Variants in STMN1 observed in about 807,000 individuals in gnomAD.
STMN1 encodes the protein stathmin.
In STMN1, 3 loss-of-function variants were observed where a neutral mutation model predicts 19.7. That is an observed-to-expected ratio of 0.15 (90% CI 0.07 to 0.39). STMN1 has a LOEUF of 0.39. Among genes scored for constraint, STMN1 ranks in the 10% least tolerant of loss-of-function variants. STMN1 has a pLI of 1.00. For synonymous variants in STMN1, 59 were observed against 58.9 expected (o/e 1.00, Z -0.01); for missense variants, 99 against 176.0 (o/e 0.56, Z 2.48).
intron 2 of STMN1, among the ~76,000 whole-genome samples, 196 bp downstream of exon 2, chr1:25,904,468 G>A (rs910881395): frequency 6.6e-6 from 1 of 152,154 alleles, no homozygotes. Flanking sequence ...TTCAGACTAA[G>A]CCAAACTGTC....
At chr1:25,904,783 CTA>C (rs1209960650) in intron 1 of STMN1, 45 bp from the exon 2 acceptor site, 45 of 1,517,562 alleles carry the variant, frequency 3.0e-5, no homozygotes, top group African/African-American at 7.0e-5. Flanking sequence ...CTTTGCCTTT[CTA>C]TATGTCATCA....
Position 25,903,820 on chromosome 1 carries a change from T to G in STMN1, c.14-7A>C. Reference sequence around the variant, plus strand: ...AGTTCTTTCACCTGGATATCTAGAATTGATTATATTTATAATTCAGAAAAC... The same window carrying G: ...AGTTCTTTCACCTGGATATCTAGAAGTGATTATATTTATAATTCAGAAAAC... On this transcript the variant is annotated splice_region_variant and splice_polypyrimidine_tract_variant and intron_variant, in intron 2 of 4. Transcript: ENST00000455785. The G allele has an allele frequency of 1.3e-6, 2 of 1,586,416 alleles. No individual in the cohort carries two copies. The highest frequency in any genetic ancestry group is 1.7e-6 in the Non-Finnish European group (2 of 1,171,174).
chr1:25,898,579 T>C (rs1369259751), downstream of STMN1, among the ~76,000 whole-genome samples: 1 of 152,228 alleles, frequency 6.6e-6, no homozygotes, highest in African/African-American at 2.4e-5. Context: ...AAGGGCCTCC[T>C]TCACGTCCTT....
rs75609247 is a variant in STMN1 at position 25,887,233 on chromosome 1, T to C, written c.379-1364A>G. The C allele has an allele frequency of 2.1e-3, 348 of 162,096 alleles. 9 individuals carry two copies. The East Asian group carries it at 0.053, about 25-fold the overall frequency. 10.0% of individuals were successfully genotyped at this position (162,096 alleles called of 1,614,324 possible). A position where few individuals can be genotyped will look rare whatever the true frequency, so the allele number is the denominator to read the frequency against. ...GGACCACAGGAATGAACAAGAGACA[T>C]TGTCCCTTTCCAAAGCAAGGAGAAA... On this transcript the variant is annotated intron_variant, in intron 4 of 4. Coordinates refer to the STMN1 transcript ENST00000426559.
intron 4 of STMN1, among the ~76,000 whole-genome samples, chr1:25,891,275 G>T (rs2048772780): frequency 6.6e-6 from 1 of 151,488 alleles, no homozygotes; most frequent in South Asian, 2.1e-4. Context: ...AGGTTGCAGT[G>T]AGCCGAGATC....
chr1:25,884,357 A>G (rs954253903), downstream of STMN1: 3 of 152,042 alleles, frequency 2.0e-5, no homozygotes, highest in African/African-American at 7.2e-5. Context: ...ACAGACTGCC[A>G]AAGTCCGGCA....
At chr1:25,890,717 C>CT (rs1199655187) in intron 4 of STMN1, among the ~76,000 whole-genome samples, 1 of 152,134 alleles carries the variant, frequency 6.6e-6, no homozygotes, top group Non-Finnish European at 1.5e-5. Context: ...TCATTTCATC[C>CT]GTAGGTCGGC....
At chr1:25,888,165 A>G (rs1013913423) in intron 4 of STMN1, among the ~76,000 whole-genome samples, 1 of 152,166 alleles carries the variant, frequency 6.6e-6, no homozygotes, top group African/African-American at 2.4e-5. Context: ...CACCTCCGTC[A>G]GAGGTAGAAC....
At chr1:25,888,970 A>C (rs2048748216) in intron 4 of STMN1, 1 of 463,958 alleles carries the variant, frequency 2.2e-6, no homozygotes, top group Admixed American at 2.6e-5. Context: ...GCTTCTTGCC[A>C]TGTCTTCTCA....
intron 4 of STMN1, among the ~76,000 whole-genome samples, chr1:25,888,090 C>T (rs1372839867): frequency 6.6e-6 from 1 of 152,148 alleles, no homozygotes; most frequent in Admixed American, 6.5e-5. Context: ...TCTAGCACAA[C>T]CGCTGGTTAG....
At chr1:25,904,606 T>C (rs2048915814) in intron 2 of STMN1, 58 bp downstream of exon 2, 1 of 1,531,510 alleles carries the variant, frequency 6.5e-7, no homozygotes, top group Non-Finnish European at 9.0e-7. Context: ...ACCTGAGCCA[T>C]CTCAATCTAA....
chr1:25,896,218 C>T (rs2048817185), downstream of STMN1, among the ~76,000 whole-genome samples: 2 of 152,202 alleles, frequency 1.3e-5, no homozygotes, highest in African/African-American at 4.8e-5. Context: ...TGCCTTACTT[C>T]TCGCCTATGG....
chr1:25,904,217 T>A (rs879461980), intron 2 of STMN1, among the ~76,000 whole-genome samples: 3 of 151,990 alleles, frequency 2.0e-5, no homozygotes, highest in Admixed American at 6.6e-5. Context: ...CTATGGAGGC[T>A]GAGGTGGGAG....
intron 1 of STMN1, among the ~76,000 whole-genome samples, chr1:25,905,685 C>A (rs964742902): frequency 6.6e-6 from 1 of 152,288 alleles, no homozygotes; most frequent in African/African-American, 2.4e-5. Flanking sequence ...TCCGCCCCTG[C>A]CTGACTCCCC....
chr1:25,904,633 C>T (rs142141089), intron 2 of STMN1, 31 bp downstream of exon 2: 15 of 1,598,466 alleles, frequency 9.4e-6, no homozygotes, highest in Middle Eastern at 1.7e-4. Context: ...AAGCCCATTA[C>T]AATTTCAGAT....
chr1:25,898,164 G>C (rs545021141), downstream of STMN1, among the ~76,000 whole-genome samples: 11 of 152,358 alleles, frequency 7.2e-5, no homozygotes, highest in East Asian at 2.1e-3. Context: ...AAAAAAATGG[G>C]GAGGGGGCCT....
chr1:25,893,825 G>A (rs904742758), intron 4 of STMN1, among the ~76,000 whole-genome samples: 3 of 152,212 alleles, frequency 2.0e-5, no homozygotes, highest in African/African-American at 7.2e-5. Flanking sequence ...ACAGGTGTGA[G>A]CCACTGCGCC....
intron 4 of STMN1, among the ~76,000 whole-genome samples, chr1:25,892,850 C>T (rs968136970): frequency 1.1e-4 from 16 of 152,166 alleles, no homozygotes; most frequent in African/African-American, 3.1e-4. Flanking sequence ...AACTCCACTC[C>T]GTGATTTGGG....
At chr1:25,896,828 A>C (rs12078919), downstream of STMN1, among the ~76,000 whole-genome samples, 4,556 of 152,266 alleles carry the variant, frequency 0.03, 227 homozygotes, top group African/African-American at 0.1. Flanking sequence ...AAAAGGGAGG[A>C]GGCAAGTGTC....
Sources: allele counts gnomAD v4.1 joint callset (sites outside exome capture counted in the v4.1 genomes callset), GRCh38; gene constraint gnomAD v4.1.1; transcripts MANE v1.5; gene names NCBI Gene and HGNC (gene_info 2026-07-23, HGNC 2026-07-21).